The following SLC22A15 variants were observed in gnomAD, a reference collection of about 807,000 sequenced individuals.
SLC22A15 encodes solute carrier family 22 member 15, also known as flipt 1.
A neutral mutation model predicts 62.7 loss-of-function variants in SLC22A15; 45 were observed. That is an observed-to-expected ratio of 0.72 (90% CI 0.56 to 0.92). The LOEUF (loss-of-function observed/expected upper bound fraction) is 0.92. Ranked by LOEUF, SLC22A15 falls within the 40% of genes least tolerant of loss-of-function variation. The pLI is 0.00. For missense variants in SLC22A15, 622 were observed against 665.6 expected, an observed-to-expected ratio of 0.93 and a Z score of 0.72; for synonymous variants, 264 against 267.0, an observed-to-expected ratio of 0.99 and a Z score of 0.11.
intron 2 of SLC22A15, among the ~76,000 whole-genome samples, chr1:116,003,756 C>T (rs374280960): frequency 7.9e-5 from 12 of 152,288 alleles, no homozygotes; most frequent in African/African-American, 2.4e-4. Flanking sequence ...TTAGGTGCCT[C>T]TTTCCTTGAT....
intron 8 of SLC22A15, among the ~76,000 whole-genome samples, chr1:116,054,085 C>T (rs1278861161): frequency 6.6e-6 from 1 of 151,892 alleles, no homozygotes; most frequent in East Asian, 1.9e-4. Context: ...GGACTAAATG[C>T]TCCAATTAAA....
chr1:116,057,552 ACTGGGTATATAC>A (rs1330398819), intron 8 of SLC22A15, among the ~76,000 whole-genome samples: 1 of 152,230 alleles, frequency 6.6e-6, no homozygotes, highest in Non-Finnish European at 1.5e-5. Context: ...CCATCCCATT[ACTGGGTATATAC>A]CCAAAGGACT....
chr1:116,011,969 G>C (rs2101223942), intron 2 of SLC22A15, among the ~76,000 whole-genome samples: 1 of 152,292 alleles, frequency 6.6e-6, no homozygotes, highest in South Asian at 2.1e-4. Context: ...GAGATGCAGA[G>C]TCAGTCACCT....
rs750427745 is a variant in SLC22A15, at chr1:116,031,464, A to C, written c.827A>C (p.Lys276Thr). Reference sequence around the variant, plus strand: ...ATTGCCAAGAGGAACCGCAAACTCAAGTGCACGTTCTCACTAACACACCCA... The same window carrying C: ...ATTGCCAAGAGGAACCGCAAACTCACGTGCACGTTCTCACTAACACACCCA... ...YLIAKRNRKL[K>T]CTFSLTHPAN... The change falls in exon 6 of 12, where the codon AAG becomes ACG. Residue 276 changes from lysine (K) to threonine (T), a missense_variant. Physicochemically the swap from Lys to Thr is moderately conservative, Grantham distance 78. Coordinates refer to ENST00000369503, the MANE Select transcript of SLC22A15 (RefSeq NM_018420.3). 6.2e-7 allele frequency: 1 copy of C among 1,614,020 alleles called. No homozygotes were observed. Among genetic ancestry groups the C allele is most frequent in the Non-Finnish European group, 8.5e-7 (1 of 1,179,880 alleles).
chr1:116,009,131 G>A (rs953273006), intron 2 of SLC22A15, among the ~76,000 whole-genome samples: 7 of 152,022 alleles, frequency 4.6e-5, no homozygotes, highest in Admixed American at 6.6e-5. Context: ...TCAGAGCCCC[G>A]CAACCACCTG....
chr1:116,019,594 G>A lies in SLC22A15; in HGVS notation c.313G>A (p.Ala105Thr). Residue 105 changes from alanine to threonine, a missense_variant, in exon 3 of 12, where the codon GCC becomes ACC. Transcript: ENST00000369503. ...TATCTTCCTCTAGTGGTTTTTAATTGCCAACAGATCCTACAAAGTCAGTGC... is the reference window on the plus strand; with the variant it reads ...TATCTTCCTCTAGTGGTTTTTAATTACCAACAGATCCTACAAAGTCAGTGC... Reference protein sequence around the residue: ...TSIASEWFLIANRSYKVSAAS... With the variant: ...TSIASEWFLITNRSYKVSAAS... The A allele has an allele frequency of 6.2e-7, 1 of 1,601,652 alleles. No individual in the cohort carries two copies. The highest frequency in any genetic ancestry group is 8.5e-7 in the Non-Finnish European group (1 of 1,176,682).
Position 116,069,118 on chromosome 1 carries a change from G to A in SLC22A15, c.*2010G>A, listed in dbSNP as rs1158729385. ...TAGAGTTCAATTAGTTCTATCCCTG[G>A]GTTTCCTTTCTTAGCTATGGGGTGG... is the stretch of plus-strand genomic sequence containing the variant. On this transcript the variant is annotated 3_prime_UTR_variant, in exon 12 of 12. Coordinates refer to ENST00000369503, the MANE Select transcript of SLC22A15 (RefSeq NM_018420.3). The A allele has an allele frequency of 6.6e-6, 1 of 152,062 alleles. No homozygotes were observed. The highest frequency in any genetic ancestry group is 1.5e-5 in the Non-Finnish European group (1 of 68,048). The allele number at this position is 152,062 out of a possible 1,614,324, so 9.4% of individuals were successfully genotyped here. A position where few individuals can be genotyped will look rare whatever the true frequency, so the allele number is the denominator to read the frequency against.
intron 6 of SLC22A15, among the ~76,000 whole-genome samples, chr1:116,034,337 A>C (rs1657553405): frequency 6.6e-6 from 1 of 152,074 alleles, no homozygotes; most frequent in Non-Finnish European, 1.5e-5. Flanking sequence ...AGAAGTTCCT[A>C]CTACCACCAT....
intron 1 of SLC22A15, among the ~76,000 whole-genome samples, chr1:115,981,472 C>A (rs995290397): frequency 6.6e-6 from 1 of 152,166 alleles, no homozygotes; most frequent in Non-Finnish European, 1.5e-5. Context: ...TGCCTTTCAC[C>A]AGTTTAGGTG....
intron 8 of SLC22A15, among the ~76,000 whole-genome samples, chr1:116,052,320 T>A (rs1658082485): frequency 6.6e-6 from 1 of 152,180 alleles, no homozygotes. Flanking sequence ...GAGATCCAAC[T>A]GCAAGGTGGC....
At chr1:116,062,925 T>G in intron 9 of SLC22A15, 43 bp downstream of exon 9, 1 of 1,603,994 alleles carries the variant, frequency 6.2e-7, no homozygotes, top group South Asian at 1.1e-5. Flanking sequence ...ATTCTACACT[T>G]TGTCATCCAT....
At chr1:116,054,755 C>G (rs947947931) in intron 8 of SLC22A15, among the ~76,000 whole-genome samples, 33 of 152,268 alleles carry the variant, frequency 2.2e-4, no homozygotes, top group Non-Finnish European at 4.4e-4. Context: ...GAAACTCACT[C>G]AAAACTGCTC....
At chr1:116,002,053 G>A (rs563024270) in intron 2 of SLC22A15, among the ~76,000 whole-genome samples, 2 of 152,358 alleles carry the variant, frequency 1.3e-5, no homozygotes, top group East Asian at 3.9e-4. Flanking sequence ...ATAAGTGCAT[G>A]AGATAGCACC....
chr1:116,014,546 T>C (rs1288353694), intron 2 of SLC22A15, among the ~76,000 whole-genome samples: 1 of 152,232 alleles, frequency 6.6e-6, no homozygotes, highest in Admixed American at 6.5e-5. Context: ...TATTAATATA[T>C]GGGAAAAGAA....
At chr1:116,006,831 C>T (rs185958448) in intron 2 of SLC22A15, among the ~76,000 whole-genome samples, 1 of 152,064 alleles carries the variant, frequency 6.6e-6, no homozygotes, top group East Asian at 1.9e-4. Context: ...TGCATTCACT[C>T]TCTGTCTTGC....
Position 115,976,616 on chromosome 1 carries a change from G to A in SLC22A15, c.-12G>A. On this transcript the variant is annotated 5_prime_UTR_variant, in exon 1 of 12. Coordinates refer to ENST00000369503, the MANE Select transcript of SLC22A15 (RefSeq NM_018420.3). The stretch of plus-strand genomic sequence containing the variant: ...GGCGGTGGGGTGGCGGGGTTCCTGC[G>A]CGCGGCCCGCCATGGAGGTGGAGGA... 1.3e-6 allele frequency: 2 copies of A among 1,565,384 alleles called. No individual in the cohort carries two copies. The highest frequency in any genetic ancestry group is 1.7e-6 in the Non-Finnish European group (2 of 1,160,266).
intron 1 of SLC22A15, among the ~76,000 whole-genome samples, chr1:115,991,294 A>G (rs1164889821): frequency 1.3e-5 from 2 of 152,204 alleles, no homozygotes; most frequent in African/African-American, 4.8e-5. Flanking sequence ...TGTTTAATAA[A>G]TATTTCTTGA....
chr1:116,028,546 T>TTTTTTTTTTTTTG, intron 5 of SLC22A15, among the ~76,000 whole-genome samples: 1 of 117,324 alleles, frequency 8.5e-6, no homozygotes, highest in Non-Finnish European at 1.8e-5. Context: ...TTTTTTTTTT[T>TTTTTTTTTTTTTG]TTAAAATATA....
intron 8 of SLC22A15, among the ~76,000 whole-genome samples, chr1:116,058,123 T>C (rs1383432925): frequency 6.6e-6 from 1 of 151,388 alleles, no homozygotes; most frequent in African/African-American, 2.4e-5. Context: ...AGTTGGGACT[T>C]AATTAAACTA....
Sources: gnomAD v4.1 joint callset for allele counts (sites outside exome capture counted in the v4.1 genomes callset) on GRCh38, gnomAD v4.1.1 for gene constraint, MANE v1.5 for transcripts, NCBI Gene and HGNC (gene_info 2026-07-23, HGNC 2026-07-21) for gene names.